The following VMP1 variants were observed in gnomAD, a reference collection of about 807,000 sequenced individuals.
The protein encoded by VMP1 is vacuole membrane protein 1.
In VMP1, 11 loss-of-function variants were observed where a neutral mutation model predicts 56.0. The observed-to-expected ratio is 0.20, with a 90% CI of 0.12 to 0.32. VMP1 has a LOEUF of 0.32. VMP1 is among the 10% of genes least tolerant of loss of function. The pLI is 1.00. For synonymous variants in VMP1, 149 were observed against 165.0 expected, an observed-to-expected ratio of 0.90 and a Z score of 0.74; for missense variants, 296 against 490.3, an observed-to-expected ratio of 0.60 and a Z score of 3.74.
chr17:59,811,922 T>G lies in VMP1; in HGVS notation c.912+136T>G, dbSNP rs996887867. ...GGTAGCTTACTTAGGTAATACCACA[T>G]AGAATGTCATTTGGAATTAGTGATC... On this transcript the variant is annotated intron_variant, in intron 9 of 11. Coordinates refer to ENST00000262291, the MANE Select transcript of VMP1 (RefSeq NM_030938.5). 1.5e-5 allele frequency: 9 copies of G among 610,702 alleles called. No homozygotes were observed. In the African/African-American group the frequency reaches 1.7e-4, roughly 12 times the overall value. The allele number at this position is 610,702 out of a possible 1,614,324, so 37.8% of individuals were successfully genotyped here. A position where few individuals can be genotyped will look rare whatever the true frequency, so the allele number is the denominator to read the frequency against.
At chr17:59,799,924 G>C (rs1024456579) in intron 7 of VMP1, among the ~76,000 whole-genome samples, 2 of 143,882 alleles carry the variant, frequency 1.4e-5, no homozygotes, top group Non-Finnish European at 3.0e-5. Context: ...GATCCTGGGG[G>C]ATAAGAGTGA....
chr17:59,745,552 T>G lies in VMP1; in HGVS notation c.414+6605T>G, dbSNP rs576077264. ...AAGCTTATGCCATTTTCTTGCTGATTAGTGATCAACAGAATTTTATCCTTA... is the reference window on the plus strand; with the variant it reads ...AAGCTTATGCCATTTTCTTGCTGATGAGTGATCAACAGAATTTTATCCTTA... On this transcript the variant is annotated intron_variant, in intron 5 of 11. Coordinates refer to ENST00000262291, the MANE Select transcript of VMP1 (RefSeq NM_030938.5). Among the ~76,000 whole-genome samples the G allele has an allele frequency of 4.1e-4, 62 of 152,370 alleles. 1 individual carries two copies. In the South Asian group the frequency reaches 0.012, roughly 29 times the overall value.
At chr17:59,759,155 C>T (rs1029527840) in intron 5 of VMP1, among the ~76,000 whole-genome samples, 1 of 152,274 alleles carries the variant, frequency 6.6e-6, no homozygotes, top group Non-Finnish European at 1.5e-5. Context: ...GGGTGGATCA[C>T]CTGAGGTCAG....
At chr17:59,821,191 C>T (rs185355414) in intron 10 of VMP1, among the ~76,000 whole-genome samples, 5 of 151,912 alleles carry the variant, frequency 3.3e-5, no homozygotes, top group East Asian at 3.9e-4. Context: ...AGGATGGTCT[C>T]GATCTCCTGA....
chr17:59,796,106 C>G (rs2037429998), intron 7 of VMP1, among the ~76,000 whole-genome samples: 1 of 152,088 alleles, frequency 6.6e-6, no homozygotes, highest in Non-Finnish European at 1.5e-5. Flanking sequence ...TTCATCTTCC[C>G]TTTTACTTAC....
At chr17:59,745,712 G>C (rs2035398728) in intron 5 of VMP1, among the ~76,000 whole-genome samples, 1 of 152,068 alleles carries the variant, frequency 6.6e-6, no homozygotes, top group African/African-American at 2.4e-5. Context: ...GTTCTATTAT[G>C]TGCTGATGAA....
Position 59,764,978 on chromosome 17 carries a change from A to T in VMP1, c.422A>T (p.His141Leu). 3 of 1,608,734 alleles carry T rather than the reference A, an allele frequency of 1.9e-6. No individual in the cohort carries two copies. Among genetic ancestry groups the T allele is most frequent in the Non-Finnish European group, 2.5e-6 (3 of 1,177,782 alleles). ...LHTFLLYLGP[H>L]IASVTLAAYE... ...CTTGTATTTGTTTTATAGGGTCCAC[A>T]TATAGCCTCAGTTACATTAGCTGCT... Residue 141 changes from histidine (H) to leucine (L), a missense_variant, in exon 6 of 12, where the codon CAT (histidine) becomes CTT (leucine). Around this residue, in one of 4 missense-constraint regions of VMP1, gnomAD observed 126 missense variants for 231.6 expected, o/e 0.54. Coordinates refer to ENST00000262291, the MANE Select transcript of VMP1 (RefSeq NM_030938.5).
chr17:59,838,371 C>A lies in VMP1; in HGVS notation c.1051C>A (p.His351Asn), dbSNP rs761913056. The A allele has an allele frequency of 1.2e-6, 2 of 1,614,106 alleles. No homozygotes were observed. Among genetic ancestry groups the A allele is most frequent in the South Asian group, 1.1e-5 (1 of 91,088 alleles). The part of the protein sequence containing the change: ...YLEAQRQKLH[H>N]KSEMGTPQGE... ...GGAGGCTCAACGGCAGAAGCTTCAC[C>A]ACAAAAGCGAAATGGGCACACCACA... The change falls in exon 11 of 12, where the codon CAC becomes AAC. Residue 351 changes from histidine (H) to asparagine (N), a missense_variant. This residue lies in a region of VMP1 where 95 missense variants were observed against 137.6 expected (regional missense o/e 0.69). Transcript: ENST00000262291.
At chr17:59,828,231 G>A (rs1334252236) in intron 10 of VMP1, among the ~76,000 whole-genome samples, 1 of 152,158 alleles carries the variant, frequency 6.6e-6, no homozygotes, top group African/African-American at 2.4e-5. Context: ...TTGTTCTCTA[G>A]AGCTTCTCTT....
chr17:59,841,898 T>C lies in VMP1; in HGVS notation c.*1987T>C, dbSNP rs2039168218. 2 of 152,308 alleles carry C rather than the reference T, an allele frequency of 1.3e-5. No homozygotes were observed. Among genetic ancestry groups the C allele is most frequent in the Middle Eastern group, 6.8e-3 (2 of 294 alleles). 9.4% of individuals were successfully genotyped at this position (152,308 alleles called of 1,614,324 possible). A position where few individuals can be genotyped will look rare whatever the true frequency, so the allele number is the denominator to read the frequency against. On this transcript the variant is annotated 3_prime_UTR_variant, in exon 12 of 12. Transcript: ENST00000262291. ...AATAGAAAAAAAAAATTTTGTTTCC[T>C]AGGTTGAAGGTCTAATTGATACGTT...
At chr17:59,776,173 C>T (rs1188475865) in intron 7 of VMP1, among the ~76,000 whole-genome samples, 1 of 152,048 alleles carries the variant, frequency 6.6e-6, no homozygotes, top group Non-Finnish European at 1.5e-5. Context: ...ATTTGCACTA[C>T]TGTACTCTAC....
chr17:59,804,948 A>T (rs573494420), intron 7 of VMP1, among the ~76,000 whole-genome samples: 64 of 152,296 alleles, frequency 4.2e-4, no homozygotes, highest in Admixed American at 2.5e-3. Context: ...CCTGGAAAAA[A>T]TTATGGGAAC....
intron 7 of VMP1, among the ~76,000 whole-genome samples, chr17:59,805,661 C>CAA (rs760953371): frequency 9.9e-6 from 1 of 101,442 alleles, no homozygotes. Flanking sequence ...AAAATAAAAG[C>CAA]AAAAAAAAAA....
intron 10 of VMP1, among the ~76,000 whole-genome samples, chr17:59,822,250 A>G (rs1353930074): frequency 2.6e-5 from 4 of 151,896 alleles, no homozygotes; most frequent in African/African-American, 9.7e-5. Flanking sequence ...TTTGTCATTA[A>G]TAACATTATC....
intron 4 of VMP1, 106 bp downstream of exon 4, chr17:59,737,649 A>G (rs1310769923): frequency 1.0e-5 from 9 of 890,798 alleles, no homozygotes; most frequent in Non-Finnish European, 1.5e-5. Context: ...TACCCTCAAC[A>G]TTATCTCATA....
At position 59,838,391 on chromosome 17, in the gene VMP1, A is replaced by G. The variant is rs1297809198; in HGVS notation, c.1071A>G (p.Thr357=). 1.9e-6 allele frequency: 3 copies of G among 1,614,130 alleles called. No individual in the cohort carries two copies. The South Asian group carries it at 3.3e-5, about 18-fold the overall frequency. ...QKLHHKSEMG[T]PQGENWLSWM... Reference sequence around the variant, plus strand: ...TTCACCACAAAAGCGAAATGGGCACACCACAGGTAAGACTTTAATCCGGTT... The same window carrying G: ...TTCACCACAAAAGCGAAATGGGCACGCCACAGGTAAGACTTTAATCCGGTT... Residue 357 remains threonine (T), a synonymous_variant, in exon 11 of 12, where the codon ACA becomes ACG. Transcript: ENST00000262291.
intron 7 of VMP1, among the ~76,000 whole-genome samples, chr17:59,774,933 C>CA (rs781573256): frequency 4.0e-4 from 54 of 134,518 alleles, no homozygotes; most frequent in East Asian, 1.3e-3. Flanking sequence ...CTTGTCTCTA[C>CA]AAAAAAAATT....
rs577088517 is a variant in VMP1 at position 59,817,803 on chromosome 17, T to C, written c.974+30T>C. ...GTAATTCTTCAAGGACTAATATTAA[T>C]ATAATTACTCTTTAAATGGGAGTAA... is the stretch of plus-strand genomic sequence containing the variant. On this transcript the variant is annotated intron_variant, in intron 10 of 11. Transcript: ENST00000262291. 30 of 1,531,774 alleles carry C rather than the reference T, an allele frequency of 2.0e-5. No homozygotes were observed. In the South Asian group the frequency reaches 3.3e-4, roughly 17 times the overall value. The allele number at this position is 1,531,774 out of a possible 1,614,324, so 94.9% of individuals were successfully genotyped here.
At position 59,841,297 on chromosome 17, in the gene VMP1, G is replaced by C. The variant is rs746383582; in HGVS notation, c.*1386G>C. 1 of 513,444 alleles carries C rather than the reference G, an allele frequency of 1.9e-6. No individual in the cohort carries two copies. The highest frequency in any genetic ancestry group is 1.4e-5 in the South Asian group (1 of 69,728). The allele number at this position is 513,444 out of a possible 1,614,324, so 31.8% of individuals were successfully genotyped here. A position where few individuals can be genotyped will look rare whatever the true frequency, so the allele number is the denominator to read the frequency against. On this transcript the variant is annotated 3_prime_UTR_variant, in exon 12 of 12. Coordinates refer to ENST00000262291, the MANE Select transcript of VMP1 (RefSeq NM_030938.5). ...GTAGCTTATCAGACTGATGTTGACT[G>C]TTGAATCTCATGGCAACACCAGTCG...
Sources: gnomAD v4.1 joint callset for allele counts (sites outside exome capture counted in the v4.1 genomes callset) on GRCh38, gnomAD v4.1.1 for gene constraint, gnomAD v4.1.1 regional missense constraint, MANE v1.5 for transcripts, NCBI Gene and HGNC (gene_info 2026-07-23, HGNC 2026-07-21) for gene names.